The following FHIT variants were observed in gnomAD, a reference collection of about 807,000 sequenced individuals.
The protein encoded by FHIT is bis(5'-adenosyl)-triphosphatase.
In FHIT, 19 loss-of-function variants were observed where a neutral mutation model predicts 17.9. The observed-to-expected ratio is 1.06, with a 90% confidence interval of 0.74 to 1.56. The LOEUF is 1.56. Ranked by LOEUF, FHIT falls within the 40% of genes most tolerant of loss-of-function variation. FHIT has a pLI of 0.00. For synonymous variants in FHIT, 81 were observed against 69.7 expected (o/e 1.16, Z -0.81); for missense variants, 248 against 189.2 (o/e 1.31, Z -1.82).
chr3:60,043,922 A>C (rs1016509294), intron 5 of FHIT, among the ~76,000 whole-genome samples: 3 of 152,246 alleles, frequency 2.0e-5, no homozygotes, highest in African/African-American at 7.2e-5. Flanking sequence ...CTTCAAAATA[A>C]TAAAACAGAA....
chr3:60,056,848 G>A (rs1483108045), intron 5 of FHIT, among the ~76,000 whole-genome samples: 4 of 152,190 alleles, frequency 2.6e-5, no homozygotes, highest in Non-Finnish European at 4.4e-5. Context: ...AGAAAAACAT[G>A]TTTTCCTTCC....
chr3:60,193,711 A>G (rs1282579983), intron 5 of FHIT, among the ~76,000 whole-genome samples: 1 of 152,132 alleles, frequency 6.6e-6, no homozygotes, highest in Non-Finnish European at 1.5e-5. Flanking sequence ...CCACATCCTG[A>G]CCCTGCAAAC....
chr3:60,533,205 G>A (rs1175438508), intron 5 of FHIT, among the ~76,000 whole-genome samples: 2 of 152,170 alleles, frequency 1.3e-5, no homozygotes, highest in African/African-American at 4.8e-5. Flanking sequence ...ACCTAGCTTG[G>A]ACATGATACT....
rs61185793 is a variant in FHIT, at chr3:60,974,051, C to CA, written c.-111+67995dup. Among the ~76,000 whole-genome samples, 905 of 152,244 alleles carry CA rather than the reference C, an allele frequency of 5.9e-3. 9 individuals are homozygous for CA. The highest frequency in any genetic ancestry group is 0.021 in the African/African-American group (873 of 41,546). ...AAATCATGCACACAATTCATAGGCTCAGAGACATTAATGTCTATGCCTGGC... is the reference window on the plus strand; with the variant it reads ...AAATCATGCACACAATTCATAGGCTCAAGAGACATTAATGTCTATGCCTGGC... On this transcript the variant is annotated intron_variant, in intron 3 of 9. Transcript: ENST00000492590.
At chr3:60,727,288 T>C (rs2041935670) in intron 4 of FHIT, among the ~76,000 whole-genome samples, 1 of 152,170 alleles carries the variant, frequency 6.6e-6, no homozygotes, top group Non-Finnish European at 1.5e-5. Flanking sequence ...TCTTTCTCTA[T>C]AGTTAGGAAA....
At chr3:60,468,422 G>A (rs1455150334) in intron 5 of FHIT, among the ~76,000 whole-genome samples, 2 of 151,934 alleles carry the variant, frequency 1.3e-5, no homozygotes, top group Non-Finnish European at 2.9e-5. Flanking sequence ...TTTCTCAAGT[G>A]ATATGTTTTT....
At chr3:61,040,806 GC>G (rs2033471224) in intron 3 of FHIT, among the ~76,000 whole-genome samples, 1 of 152,092 alleles carries the variant, frequency 6.6e-6, no homozygotes, top group Admixed American at 6.6e-5. Flanking sequence ...CACAATAAGA[GC>G]CACTTATACC....
chr3:60,295,044 A>G (rs1486527039), intron 5 of FHIT, among the ~76,000 whole-genome samples: 1 of 152,096 alleles, frequency 6.6e-6, no homozygotes, highest in Non-Finnish European at 1.5e-5. Context: ...ATAAATGACC[A>G]TGATCACAAA....
At chr3:60,784,132 G>A (rs1290282946) in intron 4 of FHIT, among the ~76,000 whole-genome samples, 1 of 151,990 alleles carries the variant, frequency 6.6e-6, no homozygotes, top group East Asian at 1.9e-4. Flanking sequence ...ACTCTTCCTG[G>A]GAGGGTGATC....
intron 2 of FHIT, among the ~76,000 whole-genome samples, chr3:61,193,319 G>C (rs937184849): frequency 2.0e-5 from 3 of 152,174 alleles, no homozygotes; most frequent in Non-Finnish European, 4.4e-5. Flanking sequence ...CAGAACTCTA[G>C]AGAGGTGACA....
intron 5 of FHIT, among the ~76,000 whole-genome samples, chr3:60,531,338 G>A (rs1255587777): frequency 6.9e-6 from 1 of 144,610 alleles, no homozygotes; most frequent in East Asian, 2.1e-4. Context: ...GAGTGCAGTG[G>A]TGCGATCTAG....
chr3:60,206,730 C>T (rs1416624621), intron 5 of FHIT, among the ~76,000 whole-genome samples: 2 of 152,136 alleles, frequency 1.3e-5, no homozygotes, highest in Admixed American at 1.3e-4. Context: ...GTAAGCATTT[C>T]TAAGTGGACA....
intron 7 of FHIT, among the ~76,000 whole-genome samples, chr3:59,976,715 C>T (rs900109036): frequency 6.6e-6 from 1 of 152,188 alleles, no homozygotes; most frequent in Non-Finnish European, 1.5e-5. Flanking sequence ...AATATCTAGG[C>T]TTCCCCTAGA....
chr3:60,150,944 T>A (rs890002511), intron 5 of FHIT, among the ~76,000 whole-genome samples: 1 of 152,110 alleles, frequency 6.6e-6, no homozygotes, highest in Non-Finnish European at 1.5e-5. Flanking sequence ...ATTTAATTTT[T>A]AAAAATCAGC....
chr3:60,361,288 C>T (rs1160625252), intron 5 of FHIT, among the ~76,000 whole-genome samples: 1 of 152,122 alleles, frequency 6.6e-6, no homozygotes, highest in African/African-American at 2.4e-5. Flanking sequence ...GAGACAAAAT[C>T]TCAGATCAGA....
intron 8 of FHIT, among the ~76,000 whole-genome samples, chr3:59,862,330 C>T (rs553441573): frequency 1.3e-5 from 2 of 152,092 alleles, no homozygotes; most frequent in Non-Finnish European, 2.9e-5. Flanking sequence ...GGGAAAAACC[C>T]GCTCCCATGA....
chr3:60,029,879 T>TTGTGTGTGTGAG (rs1700915053), intron 5 of FHIT, among the ~76,000 whole-genome samples: 1 of 131,402 alleles, frequency 7.6e-6, no homozygotes, highest in Admixed American at 7.6e-5. Context: ...CATAGAAGCA[T>TTGTGTGTGTGAG]TGTGTGTGTG....
chr3:60,056,274 T>A (rs566993780), intron 5 of FHIT, among the ~76,000 whole-genome samples: 1 of 152,202 alleles, frequency 6.6e-6, no homozygotes, highest in African/African-American at 2.4e-5. Flanking sequence ...GAAATTTTGG[T>A]GTAGATTAGA....
chr3:61,244,963 C>G lies in FHIT; in HGVS notation c.-213+6338G>C, dbSNP rs565252042. ...CTGTCTTTTGTTACAGGGGAGTCAA[C>G]CAAGAACCTGAGGGTGAGGAAAAGA... On this transcript the variant is annotated intron_variant, in intron 1 of 9. Coordinates refer to ENST00000492590, the MANE Select transcript of FHIT (RefSeq NM_002012.4). Among the ~76,000 whole-genome samples, 4 of 152,208 alleles carry G rather than the reference C, an allele frequency of 2.6e-5. No individual in the cohort carries two copies. The East Asian group carries it at 7.7e-4, about 29-fold the overall frequency.
Sources: allele counts gnomAD v4.1 joint callset (sites outside exome capture counted in the v4.1 genomes callset), GRCh38; gene constraint gnomAD v4.1.1; transcripts MANE v1.5; gene names NCBI Gene and HGNC (gene_info 2026-07-23, HGNC 2026-07-21).